The following MACC1 variants were observed in gnomAD, a reference collection of about 807,000 sequenced individuals.
MACC1 encodes metastasis-associated in colon cancer protein 1.
A neutral mutation model predicts 70.7 loss-of-function variants in MACC1; 79 were observed. The ratio of observed to expected loss-of-function variants is 1.12; its 90% CI spans 0.93 to 1.35. MACC1 has a LOEUF of 1.35. MACC1 is among the 40% of genes most tolerant of loss of function. The pLI, the probability that MACC1 is intolerant of heterozygous loss-of-function variation, is 0.00. For synonymous variants in MACC1, 361 were observed against 347.2 expected, an observed-to-expected ratio of 1.04 and a Z score of -0.44; for missense variants, 1,106 against 978.1, an observed-to-expected ratio of 1.13 and a Z score of -1.74.
chr7:20,159,349 T>A lies in MACC1; in HGVS notation c.1012A>T (p.Ile338Phe). ...IYKDTIQVKL[I>F]DLSQVMYLVV... ...AGATACATTACCTGACTCAAGTCGA[T>A]TAGCTTGACTTGGATGGTGTCTTTA... is the stretch of plus-strand genomic sequence containing the variant. Residue 338 changes from isoleucine (I) to phenylalanine (F), a missense_variant, in exon 5 of 7, where the codon ATC (isoleucine) becomes TTC (phenylalanine). By Grantham distance (21) the Ile-to-Phe change is conservative. Coordinates refer to ENST00000400331, the MANE Select transcript of MACC1 (RefSeq NM_182762.4). 2.5e-6 allele frequency: 4 copies of A among 1,614,080 alleles called. No individual in the cohort carries two copies. In the South Asian group the frequency reaches 4.4e-5, roughly 18 times the overall value.
At position 20,154,308 on chromosome 7, in the gene MACC1, A is replaced by G. The variant is rs1392164105; in HGVS notation, c.2231T>C (p.Val744Ala). 1.9e-6 allele frequency: 3 copies of G among 1,613,962 alleles called. No individual in the cohort carries two copies. The East Asian group carries it at 6.7e-5, about 36-fold the overall frequency. Residue 744 changes from valine to alanine, a missense_variant, in exon 6 of 7, where the codon GTC becomes GCC. Physicochemically the swap from Val to Ala is moderately conservative, Grantham distance 64 (BLOSUM62 0). Transcript: ENST00000400331. ...IQEAAVLTSA[V>A]KLGKGWRELA... ...TTCCCTCCAGCCTTTTCCAAGCTTGACAGCTGAAGTCAGAACAGCAGCTTC... is the reference window on the plus strand; with the variant it reads ...TTCCCTCCAGCCTTTTCCAAGCTTGGCAGCTGAAGTCAGAACAGCAGCTTC...
chr7:20,212,997 G>T (rs905028622), intron 1 of MACC1, among the ~76,000 whole-genome samples: 1 of 152,126 alleles, frequency 6.6e-6, no homozygotes, highest in Non-Finnish European at 1.5e-5. Flanking sequence ...TCATGTTTTC[G>T]TAGAGCAGCT....
intron 3 of MACC1, 89 bp from the exon 4 acceptor site, chr7:20,161,959 A>G (rs1782145178): frequency 1.3e-6 from 1 of 758,012 alleles, no homozygotes; most frequent in South Asian, 1.6e-5. Flanking sequence ...ACGTATTTCT[A>G]TAAAGAACTA....
At chr7:20,210,267 T>A (rs2128109381) in intron 1 of MACC1, among the ~76,000 whole-genome samples, 2 of 152,192 alleles carry the variant, frequency 1.3e-5, no homozygotes, top group South Asian at 4.2e-4. Flanking sequence ...TTCAAGCAAA[T>A]TTCTTTACCC....
Position 20,158,875 on chromosome 7 carries a change from G to A in MACC1, c.1486C>T (p.Pro496Ser), listed in dbSNP as rs1218789152. ...CVQVEPPNGE[P>S]VAQFSITTPD... is the part of the protein sequence containing the mutation. ...GTAGTGATAGAGAACTGTGCAACTGGTTCACCATTGGGAGGCTCCACTTGA... is the reference window on the plus strand; with the variant it reads ...GTAGTGATAGAGAACTGTGCAACTGATTCACCATTGGGAGGCTCCACTTGA... The change falls in exon 5 of 7, where the codon CCA becomes TCA. Residue 496 changes from proline to serine, a missense_variant. Physicochemically the swap from Pro to Ser is moderately conservative, Grantham distance 74. Coordinates refer to ENST00000400331, the MANE Select transcript of MACC1 (RefSeq NM_182762.4). The A allele has an allele frequency of 1.9e-6, 3 of 1,614,066 alleles. No individual in the cohort carries two copies. The highest frequency in any genetic ancestry group is 1.1e-5 in the South Asian group (1 of 91,074).
intron 5 of MACC1, among the ~76,000 whole-genome samples, chr7:20,157,600 A>G (rs1316412392): frequency 6.6e-6 from 1 of 150,776 alleles, no homozygotes; most frequent in African/African-American, 2.4e-5. Context: ...CTTGGGAAAC[A>G]TAGTGAGACA....
chr7:20,139,857 C>CACAT lies in MACC1; in HGVS notation c.*1088_*1089insATGT, dbSNP rs1260254298. ...ACACACACACACACACACACACACA[C>CACAT]ACACATGTGTTTGCATGAGCATGCC... On this transcript the variant is annotated 3_prime_UTR_variant, in exon 7 of 7. Coordinates refer to ENST00000400331, the MANE Select transcript of MACC1 (RefSeq NM_182762.4). 2 of 149,336 alleles carry CACAT rather than the reference C, an allele frequency of 1.3e-5. No individual in the cohort carries two copies. Among genetic ancestry groups the CACAT allele is most frequent in the Admixed American group, 6.6e-5 (1 of 15,150 alleles). The allele number at this position is 149,336 out of a possible 1,614,324, so 9.3% of individuals were successfully genotyped here.
chr7:20,154,091 A>T, intron 6 of MACC1, 102 bp downstream of exon 6: 2 of 1,202,238 alleles, frequency 1.7e-6, no homozygotes, highest in Non-Finnish European at 2.4e-6. Context: ...ATCATCTTGG[A>T]CATTCCCCCA....
intron 4 of MACC1, among the ~76,000 whole-genome samples, chr7:20,161,203 C>G (rs955967559): frequency 6.6e-6 from 1 of 151,964 alleles, no homozygotes; most frequent in African/African-American, 2.4e-5. Context: ...GAAGAGCCAA[C>G]CAAATTTTCA....
At chr7:20,163,809 A>G (rs549354507) in intron 3 of MACC1, among the ~76,000 whole-genome samples, 2 of 152,224 alleles carry the variant, frequency 1.3e-5, no homozygotes, top group Non-Finnish European at 2.9e-5. Flanking sequence ...TGTTCATGTT[A>G]TAACTACTAT....
At chr7:20,195,450 G>C (rs1782736445) in intron 1 of MACC1, among the ~76,000 whole-genome samples, 1 of 152,172 alleles carries the variant, frequency 6.6e-6, no homozygotes, top group Non-Finnish European at 1.5e-5. Flanking sequence ...ATAAATTAAA[G>C]TAACATATGT....
intron 1 of MACC1, among the ~76,000 whole-genome samples, chr7:20,177,426 G>T (rs1237719250): frequency 1.3e-5 from 2 of 152,036 alleles, no homozygotes; most frequent in Admixed American, 1.3e-4. Flanking sequence ...TCAGTCTCTT[G>T]TAATTCAGTC....
intron 5 of MACC1, among the ~76,000 whole-genome samples, chr7:20,156,842 TG>T: frequency 6.6e-6 from 1 of 152,374 alleles, no homozygotes; most frequent in South Asian, 2.1e-4. Context: ...CTACTTCTTT[TG>T]CATCTTGATT....
intron 1 of MACC1, among the ~76,000 whole-genome samples, chr7:20,198,229 G>C (rs1782783741): frequency 6.6e-6 from 1 of 152,194 alleles, no homozygotes; most frequent in Non-Finnish European, 1.5e-5. Flanking sequence ...TTACCAAAGA[G>C]ATATTGATCA....
Position 20,159,071 on chromosome 7 carries a change from T to A in MACC1, c.1290A>T (p.Pro430=). The change falls in exon 5 of 7, where the codon CCA becomes CCT. Residue 430 remains proline (P), a synonymous_variant. Coordinates refer to ENST00000400331, the MANE Select transcript of MACC1 (RefSeq NM_182762.4). ...WGKQSFLLDK[P]QDLSISIFSC... is the part of the protein sequence containing the mutation. The stretch of plus-strand genomic sequence containing the variant: ...AAAAAATAGAAATACTTAAATCTTG[T>A]GGCTTGTCAAGTAAAAATGACTGCT... The A allele has an allele frequency of 6.2e-7, 1 of 1,613,414 alleles. No individual in the cohort carries two copies. Among genetic ancestry groups the A allele is most frequent in the Non-Finnish European group, 8.5e-7 (1 of 1,179,924 alleles).
At chr7:20,198,784 G>A (rs933094175) in intron 1 of MACC1, 1 of 152,208 alleles carries the variant, frequency 6.6e-6, no homozygotes, top group African/African-American at 2.4e-5. Flanking sequence ...GAGACTTGAT[G>A]TAGAACAATT....
At chr7:20,172,867 G>C (rs1187629412) in intron 1 of MACC1, among the ~76,000 whole-genome samples, 1 of 152,194 alleles carries the variant, frequency 6.6e-6, no homozygotes, top group Non-Finnish European at 1.5e-5. Flanking sequence ...CTCTGGGGAA[G>C]CTAGTGGGTT....
In MACC1 at chr7:20,139,825, TAC is replaced by T. The variant is rs72161770; in HGVS notation, c.*1119_*1120del. ...GGCTGTGCTTTATAAAACACTGTGG[TAC>T]ACACACACACACACACACACACACA... On this transcript the variant is annotated 3_prime_UTR_variant, in exon 7 of 7. Coordinates refer to ENST00000400331, the MANE Select transcript of MACC1 (RefSeq NM_182762.4). 73,443 of 145,772 alleles carry T rather than the reference TAC, an allele frequency of 0.5. 18,958 individuals carry two copies. The highest frequency in any genetic ancestry group is 0.71 in the Middle Eastern group (206 of 290). The allele number at this position is 145,772 out of a possible 1,614,324, so 9.0% of individuals were successfully genotyped here. A position where few individuals can be genotyped will look rare whatever the true frequency, so the allele number is the denominator to read the frequency against.
chr7:20,152,918 C>G (rs1012890985), intron 6 of MACC1, among the ~76,000 whole-genome samples: 11 of 152,286 alleles, frequency 7.2e-5, no homozygotes, highest in Admixed American at 4.6e-4. Flanking sequence ...ACTGAAATGT[C>G]CGAATCAGAA....
Sources: gnomAD v4.1 joint callset for allele counts (sites outside exome capture counted in the v4.1 genomes callset) on GRCh38, gnomAD v4.1.1 for gene constraint, MANE v1.5 for transcripts, NCBI Gene and HGNC (gene_info 2026-07-23, HGNC 2026-07-21) for gene names.